Variants in ZNF385D observed in about 807,000 individuals in gnomAD.
ZNF385D encodes the protein zinc finger protein 385D.
ZNF385D carries 15 observed loss-of-function variants against 35.8 expected under a neutral mutation model. The observed-to-expected ratio is 0.42, with a 90% CI of 0.28 to 0.64. The LOEUF is 0.64. Ranked by LOEUF, ZNF385D falls within the 30% of genes least tolerant of loss-of-function variation. The pLI, the probability that ZNF385D is intolerant of heterozygous loss-of-function variation, is 0.23. For missense variants in ZNF385D, 474 were observed against 494.6 expected (o/e 0.96, Z 0.39); for synonymous variants, 212 against 186.8 (o/e 1.13, Z -1.10).
At chr3:21,988,973 G>A (rs1694985727) in intron 3 of ZNF385D, among the ~76,000 whole-genome samples, 1 of 152,094 alleles carries the variant, frequency 6.6e-6, no homozygotes, top group South Asian at 2.1e-4. Context: ...TGGACCCCTT[G>A]CGCTTCCCAG....
chr3:22,152,269 G>T (rs1705287684), intron 3 of ZNF385D, among the ~76,000 whole-genome samples: 1 of 152,028 alleles, frequency 6.6e-6, no homozygotes, highest in Non-Finnish European at 1.5e-5. Context: ...CCTATCCTCT[G>T]CTCTCTTTTA....
Position 21,418,820 on chromosome 3 carries a change from AT to A in ZNF385D, c.*2393del, listed in dbSNP as rs1700620436. 6.6e-6 allele frequency: 1 copy of A among 152,176 alleles called. No individual in the cohort carries two copies. Among genetic ancestry groups the A allele is most frequent in the Non-Finnish European group, 1.5e-5 (1 of 68,028 alleles). The allele number at this position is 152,176 out of a possible 1,614,324, so 9.4% of individuals were successfully genotyped here. A position where few individuals can be genotyped will look rare whatever the true frequency, so the allele number is the denominator to read the frequency against. On this transcript the variant is annotated 3_prime_UTR_variant, in exon 8 of 8. Transcript: ENST00000281523. ...GGTTGTTGGATAGGGACTCAGGATG[AT>A]TATGGAAAATCAAAATATTTGACAT...
chr3:22,309,299 C>T (rs1575089928), intron 2 of ZNF385D, among the ~76,000 whole-genome samples: 1 of 143,258 alleles, frequency 7.0e-6, no homozygotes, highest in Non-Finnish European at 1.5e-5. Flanking sequence ...TTATTTATCT[C>T]TGCCCTGTAC....
chr3:21,685,717 T>C (rs1300579010), intron 1 of ZNF385D, among the ~76,000 whole-genome samples: 5 of 152,190 alleles, frequency 3.3e-5, no homozygotes, highest in Admixed American at 6.5e-5. Flanking sequence ...AATTAGTAAT[T>C]GGCATTACCT....
chr3:21,923,804 G>C (rs530732875), intron 3 of ZNF385D, among the ~76,000 whole-genome samples: 1 of 152,054 alleles, frequency 6.6e-6, no homozygotes, highest in Non-Finnish European at 1.5e-5. Flanking sequence ...GAAGCATTGG[G>C]TATTCATGGA....
intron 3 of ZNF385D, among the ~76,000 whole-genome samples, chr3:21,934,634 TA>T (rs1408216864): frequency 9.5e-4 from 144 of 152,254 alleles, no homozygotes; most frequent in Non-Finnish European, 2.4e-4. Context: ...AGATTACAAT[TA>T]AAAAATTGAC....
intron 3 of ZNF385D, among the ~76,000 whole-genome samples, chr3:21,763,563 TTATATA>T (rs2070709477): frequency 1.3e-5 from 2 of 152,150 alleles, no homozygotes; most frequent in South Asian, 4.1e-4. Context: ...ATATATAACA[TTATATA>T]TTACAGGCAA....
At chr3:21,930,149 A>T (rs1265121094) in intron 3 of ZNF385D, among the ~76,000 whole-genome samples, 1 of 152,102 alleles carries the variant, frequency 6.6e-6, no homozygotes, top group Non-Finnish European at 1.5e-5. Flanking sequence ...ATACTTTATG[A>T]CAATTAGTTT....
At chr3:21,627,311 C>A (rs2065164768) in intron 2 of ZNF385D, among the ~76,000 whole-genome samples, 1 of 148,492 alleles carries the variant, frequency 6.7e-6, no homozygotes, top group Admixed American at 6.8e-5. Flanking sequence ...TTGTGAAGGT[C>A]AACCACTATG....
At chr3:22,274,731 T>C (rs1434304052) in intron 2 of ZNF385D, among the ~76,000 whole-genome samples, 1 of 151,934 alleles carries the variant, frequency 6.6e-6, no homozygotes, top group Non-Finnish European at 1.5e-5. Flanking sequence ...ATCTTTTCTA[T>C]TTAATCTTCC....
At chr3:21,460,797 GA>G (rs1004306463) in intron 4 of ZNF385D, among the ~76,000 whole-genome samples, 20 of 152,064 alleles carry the variant, frequency 1.3e-4, no homozygotes, top group Admixed American at 3.9e-4. Flanking sequence ...ACTTTCTACA[GA>G]AAAATAGCAA....
At chr3:22,361,917 C>T (rs1375649519) in intron 2 of ZNF385D, among the ~76,000 whole-genome samples, 1 of 151,856 alleles carries the variant, frequency 6.6e-6, no homozygotes, top group East Asian at 1.9e-4. Context: ...ACTATTTCAA[C>T]ATAAGTTTTT....
intron 3 of ZNF385D, among the ~76,000 whole-genome samples, chr3:22,081,785 A>AT (rs891739197): frequency 6.6e-6 from 1 of 152,104 alleles, no homozygotes; most frequent in Non-Finnish European, 1.5e-5. Context: ...TTCTCTGGTC[A>AT]TTTTTTTAAA....
rs6781203 is a variant in ZNF385D at position 21,798,273 on chromosome 3, A to C, written c.326-133245T>G. 9.4e-3 allele frequency among the ~76,000 whole-genome samples: 1,425 copies of C among 152,260 alleles called. 24 individuals carry two copies. Among genetic ancestry groups the C allele is most frequent in the African/African-American group, 0.033 (1,356 of 41,544 alleles). On this transcript the variant is annotated intron_variant, in intron 3 of 5. Transcript: ENST00000494108. Reference sequence around the variant, plus strand: ...GTCTGGTTCTTCGGCGCATGGCCTCACTCGGCTGAAATCAAGATGTCAGCT... The same window carrying C: ...GTCTGGTTCTTCGGCGCATGGCCTCCCTCGGCTGAAATCAAGATGTCAGCT...
chr3:21,963,567 G>A (rs535790039), intron 3 of ZNF385D, among the ~76,000 whole-genome samples: 72 of 152,164 alleles, frequency 4.7e-4, no homozygotes, highest in African/African-American at 1.5e-3. Flanking sequence ...TCAAAACACC[G>A]AATTCCACTT....
At chr3:22,033,307 C>A (rs554824597) in intron 3 of ZNF385D, among the ~76,000 whole-genome samples, 47 of 151,738 alleles carry the variant, frequency 3.1e-4, no homozygotes, top group Non-Finnish European at 6.3e-4. Flanking sequence ...GAGGCTGAGG[C>A]ATGAGAATAA....
chr3:22,236,164 G>T (rs919194200), intron 2 of ZNF385D, among the ~76,000 whole-genome samples: 2 of 151,830 alleles, frequency 1.3e-5, no homozygotes, highest in Non-Finnish European at 2.9e-5. Flanking sequence ...TGTAAGTAAT[G>T]GTATAATCCA....
intron 3 of ZNF385D, among the ~76,000 whole-genome samples, chr3:21,540,019 C>T (rs974235254): frequency 6.6e-6 from 1 of 152,046 alleles, no homozygotes; most frequent in Non-Finnish European, 1.5e-5. Context: ...CTTAAGAGAC[C>T]ATTAAAAATA....
chr3:21,754,183 G>A (rs528842893), upstream of ZNF385D, among the ~76,000 whole-genome samples: 106 of 152,214 alleles, frequency 7.0e-4, no homozygotes, highest in South Asian at 1.2e-3. Context: ...TAATTTTGAA[G>A]CATAATAATT....
Sources: allele counts gnomAD v4.1 joint callset (sites outside exome capture counted in the v4.1 genomes callset), GRCh38; gene constraint gnomAD v4.1.1; transcripts MANE v1.5; gene names NCBI Gene and HGNC (gene_info 2026-07-23, HGNC 2026-07-21).